The following RABGAP1L variants were observed in gnomAD, a reference collection of about 807,000 sequenced individuals.
The protein encoded by RABGAP1L is RAB GTPase activating protein 1 like.
In RABGAP1L, 63 loss-of-function variants were observed where a neutral mutation model predicts 137.7. The ratio of observed to expected loss-of-function variants is 0.46; its 90% CI spans 0.37 to 0.56. The LOEUF (loss-of-function observed/expected upper bound fraction) is 0.56, where lower values mean the gene tolerates loss of function less well. Among genes scored for constraint, RABGAP1L ranks in the 20% least tolerant of loss-of-function variants. RABGAP1L has a pLI of 0.00. For synonymous variants in RABGAP1L, 431 were observed against 433.7 expected (o/e 0.99, Z 0.08); for missense variants, 1,095 against 1,244.0 (o/e 0.88, Z 1.80).
chr1:174,323,455 A>G lies in RABGAP1L; in HGVS notation c.1465+18328A>G, dbSNP rs73036677. On this transcript the variant is annotated intron_variant, in intron 11 of 25. Transcript: ENST00000681986. ...CACTCTTAATTGCTTAAAAGATAGT[A>G]TTTTTAATGTTCCCTTTCCAGATGA... Among the ~76,000 whole-genome samples, 802 of 152,202 alleles carry G rather than the reference A, an allele frequency of 5.3e-3. 9 individuals are homozygous for G. The highest frequency in any genetic ancestry group is 0.018 in the African/African-American group (761 of 41,538).
chr1:174,611,585 C>G (rs1000154832), intron 13 of RABGAP1L, among the ~76,000 whole-genome samples: 1 of 149,996 alleles, frequency 6.7e-6, no homozygotes, highest in Non-Finnish European at 1.5e-5. Context: ...TTTTCCAATT[C>G]TGTGAAGAAA....
At chr1:174,508,065 G>C (rs1661996005) in intron 13 of RABGAP1L, among the ~76,000 whole-genome samples, 1 of 152,078 alleles carries the variant, frequency 6.6e-6, no homozygotes, top group South Asian at 2.1e-4. Flanking sequence ...TGAGTATTAT[G>C]AGTGTTCAAA....
At chr1:174,274,566 T>A (rs982305834) in intron 8 of RABGAP1L, among the ~76,000 whole-genome samples, 3 of 151,456 alleles carry the variant, frequency 2.0e-5, no homozygotes, top group Admixed American at 6.6e-5. Flanking sequence ...TAATGACACA[T>A]AACTTAGAAC....
At chr1:174,664,726 TCTGC>T (rs1443441549) in intron 14 of RABGAP1L, among the ~76,000 whole-genome samples, 8 of 135,194 alleles carry the variant, frequency 5.9e-5, no homozygotes, top group Non-Finnish European at 1.2e-4. Context: ...TTTCTTTCTT[TCTGC>T]TTTCTTTTTT....
At chr1:174,977,641 AGG>A (rs1429756498) in intron 22 of RABGAP1L, among the ~76,000 whole-genome samples, 1 of 152,204 alleles carries the variant, frequency 6.6e-6, no homozygotes, top group East Asian at 1.9e-4. Flanking sequence ...CTTGTAAAAT[AGG>A]GATTATTCTC....
At chr1:174,563,179 T>A in intron 13 of RABGAP1L, among the ~76,000 whole-genome samples, 1 of 152,134 alleles carries the variant, frequency 6.6e-6, no homozygotes, top group East Asian at 1.9e-4. Flanking sequence ...TTAGAGTGTT[T>A]TAGAGTTTGA....
intron 18 of RABGAP1L, among the ~76,000 whole-genome samples, chr1:174,776,215 TA>T (rs543299066): frequency 6.6e-6 from 1 of 150,710 alleles, no homozygotes; most frequent in Non-Finnish European, 1.5e-5. Context: ...ACTAAAAGTA[TA>T]AAAAAAAATT....
intron 1 of RABGAP1L, among the ~76,000 whole-genome samples, chr1:174,172,053 C>T (rs572069743): frequency 6.6e-6 from 1 of 151,332 alleles, no homozygotes; most frequent in East Asian, 1.9e-4. Context: ...TAAATGAGAT[C>T]ATGTAGTGTC....
At chr1:174,317,340 A>G (rs1337483784) in intron 11 of RABGAP1L, among the ~76,000 whole-genome samples, 3 of 151,982 alleles carry the variant, frequency 2.0e-5, no homozygotes, top group African/African-American at 4.8e-5. Context: ...TTCATGTCCA[A>G]GGCTCTTCAG....
At chr1:174,701,974 C>T in intron 16 of RABGAP1L, 139 bp from the exon 17 acceptor site, 1 of 662,520 alleles carries the variant, frequency 1.5e-6, no homozygotes, top group Non-Finnish European at 2.5e-6. Context: ...CACTTCTGTG[C>T]AGTTATACAA....
intron 13 of RABGAP1L, among the ~76,000 whole-genome samples, chr1:174,629,446 G>A (rs553930924): frequency 2.0e-5 from 3 of 152,118 alleles, no homozygotes; most frequent in Non-Finnish European, 4.4e-5. Context: ...TATTCCCTTA[G>A]CCAAATGAGA....
At chr1:174,615,284 C>T (rs964168702) in intron 13 of RABGAP1L, among the ~76,000 whole-genome samples, 4 of 152,018 alleles carry the variant, frequency 2.6e-5, no homozygotes, top group South Asian at 2.1e-4. Context: ...TGTTAGTTTT[C>T]CTTCTAACAG....
chr1:174,166,141 AATTATT>A (rs772883449), intron 1 of RABGAP1L, among the ~76,000 whole-genome samples: 5 of 152,326 alleles, frequency 3.3e-5, no homozygotes, highest in Admixed American at 6.5e-5. Context: ...TGAAGGGAAA[AATTATT>A]AGTGTTAGAG....
At chr1:174,695,014 C>G (rs902799199) in intron 15 of RABGAP1L, among the ~76,000 whole-genome samples, 102 of 152,194 alleles carry the variant, frequency 6.7e-4, no homozygotes, top group African/African-American at 1.9e-3. Flanking sequence ...AGAAGTGTCT[C>G]TTCATATCCT....
intron 24 of RABGAP1L, among the ~76,000 whole-genome samples, chr1:174,987,024 T>G (rs964863239): frequency 6.6e-6 from 1 of 152,228 alleles, no homozygotes; most frequent in Non-Finnish European, 1.5e-5. Context: ...TGACAAGTTT[T>G]GTTTTTACAT....
intron 2 of RABGAP1L, chr1:174,220,667 T>G (rs1307332617): frequency 5.9e-6 from 1 of 169,746 alleles, no homozygotes; most frequent in Non-Finnish European, 1.2e-5. Flanking sequence ...GACTCTGTCT[T>G]TAAAAAGAAA....
chr1:174,771,811 A>AT (rs1459956095), intron 18 of RABGAP1L, among the ~76,000 whole-genome samples: 1 of 152,236 alleles, frequency 6.6e-6, no homozygotes, highest in Admixed American at 6.5e-5. Context: ...TCTCAAATGC[A>AT]TTTTTTAAAT....
intron 11 of RABGAP1L, among the ~76,000 whole-genome samples, chr1:174,312,407 G>T (rs1318007890): frequency 6.6e-6 from 1 of 151,916 alleles, no homozygotes; most frequent in Admixed American, 6.6e-5. Context: ...CTTGAGAAAT[G>T]TCTATTCAAA....
chr1:174,368,831 C>A (rs181832015), intron 11 of RABGAP1L, among the ~76,000 whole-genome samples: 3 of 151,584 alleles, frequency 2.0e-5, no homozygotes, highest in Non-Finnish European at 2.9e-5. Flanking sequence ...CTTAGGAATT[C>A]CTTTCCCTAC....
Sources: gnomAD v4.1 joint callset for allele counts (sites outside exome capture counted in the v4.1 genomes callset) on GRCh38, gnomAD v4.1.1 for gene constraint, MANE v1.5 for transcripts, NCBI Gene and HGNC (gene_info 2026-07-23, HGNC 2026-07-21) for gene names.